EYS: variants seen among roughly 807,000 people sequenced by gnomAD.
The protein encoded by EYS is EGF-like photoreceptor maintenance factor, also known as protein eyes shut homolog.
EYS carries 250 observed loss-of-function variants against 282.1 expected under a neutral mutation model. The observed-to-expected ratio is 0.89, with a 90% CI of 0.80 to 0.98. EYS has a LOEUF of 0.98. Ranked by LOEUF, EYS falls within the 50% of genes least tolerant of loss-of-function variation. EYS has a pLI of 0.00. For synonymous variants in EYS, 1,355 were observed against 1,282.9 expected (o/e 1.06, Z -1.20); for missense variants, 4,016 against 3,709.0 (o/e 1.08, Z -2.15).
intron 5 of EYS, among the ~76,000 whole-genome samples, chr6:65,459,002 A>G (rs1764725343): frequency 6.6e-6 from 1 of 152,168 alleles, no homozygotes; most frequent in Non-Finnish European, 1.5e-5. Context: ...ATTAAAAAGT[A>G]TAGAATTTTT....
intron 33 of EYS, among the ~76,000 whole-genome samples, chr6:64,054,075 C>A (rs755343617): frequency 3.3e-5 from 5 of 152,012 alleles, no homozygotes; most frequent in Middle Eastern, 3.2e-3. Flanking sequence ...CACATGTGGC[C>A]TTAGGGATTA....
intron 35 of EYS, among the ~76,000 whole-genome samples, chr6:63,884,812 C>T (rs373429810): frequency 1.3e-4 from 20 of 151,776 alleles, no homozygotes; most frequent in Admixed American, 2.0e-4. Flanking sequence ...CTTGGAGAGG[C>T]GGAATCTTTC....
chr6:64,590,584 A>G lies in EYS; in HGVS notation c.5283T>C (p.Tyr1761=), dbSNP rs1158231145. The G allele has an allele frequency of 4.5e-6, 7 of 1,551,324 alleles. No homozygotes were observed. The highest frequency in any genetic ancestry group is 5.2e-6 in the Non-Finnish European group (6 of 1,146,752). ...QIYPDVTLKT[Y]SEITHANDFK... Reference sequence around the variant, plus strand: ...AGTCATTTGCATGTGTAATTTCTGAATATGTCTTTAAAGTAACATCCGGAT... The same window carrying G: ...AGTCATTTGCATGTGTAATTTCTGAGTATGTCTTTAAAGTAACATCCGGAT... The change falls in exon 26 of 43, where the codon TAT becomes TAC. Residue 1761 remains tyrosine, a synonymous_variant. Coordinates refer to ENST00000503581, the MANE Select transcript of EYS (RefSeq NM_001142800.2).
At chr6:64,830,979 G>T (rs1426885757) in intron 19 of EYS, among the ~76,000 whole-genome samples, 1 of 151,960 alleles carries the variant, frequency 6.6e-6, no homozygotes, top group Non-Finnish European at 1.5e-5. Flanking sequence ...AGGCGACTCA[G>T]TATGGGTCAA....
intron 26 of EYS, among the ~76,000 whole-genome samples, chr6:64,580,134 C>G (rs1582916838): frequency 6.6e-6 from 1 of 152,084 alleles, no homozygotes; most frequent in East Asian, 1.9e-4. Context: ...CCTATATTAA[C>G]TTGATAAATC....
intron 12 of EYS, among the ~76,000 whole-genome samples, chr6:65,077,051 GT>G (rs375352730): frequency 2.0e-3 from 304 of 152,088 alleles, no homozygotes; most frequent in African/African-American, 6.9e-3. Context: ...TCAACGATTA[GT>G]GGGGATATGG....
intron 18 of EYS, among the ~76,000 whole-genome samples, chr6:64,898,956 G>A (rs1043880411): frequency 6.6e-6 from 1 of 151,164 alleles, no homozygotes; most frequent in East Asian, 1.9e-4. Flanking sequence ...GATTAATAAA[G>A]CAAGTACTTA....
intron 19 of EYS, among the ~76,000 whole-genome samples, chr6:64,856,069 A>G (rs1766048464): frequency 6.6e-6 from 1 of 152,186 alleles, no homozygotes; most frequent in Admixed American, 6.5e-5. Flanking sequence ...CCTGCTATGA[A>G]CAATTATATA....
chr6:64,306,736 ATATT>A (rs1769459465), intron 30 of EYS, among the ~76,000 whole-genome samples: 1 of 152,188 alleles, frequency 6.6e-6, no homozygotes, highest in Non-Finnish European at 1.5e-5. Context: ...GTTGGATGGT[ATATT>A]TTATATAGCA....
chr6:65,652,616 T>C (rs1337735294), intron 1 of EYS, among the ~76,000 whole-genome samples: 1 of 151,894 alleles, frequency 6.6e-6, no homozygotes, highest in Non-Finnish European at 1.5e-5. Context: ...CTTGAATAAT[T>C]TAGAAGAAGA....
chr6:64,101,271 G>A (rs541015852), intron 31 of EYS, among the ~76,000 whole-genome samples: 1 of 152,056 alleles, frequency 6.6e-6, no homozygotes, highest in South Asian at 2.1e-4. Flanking sequence ...TAGAATCCCA[G>A]TGCTATATTT....
intron 35 of EYS, among the ~76,000 whole-genome samples, chr6:63,921,191 G>A (rs1764565417): frequency 6.6e-6 from 1 of 152,088 alleles, no homozygotes; most frequent in Non-Finnish European, 1.5e-5. Context: ...CCACCGCGCC[G>A]GCCATGGGCT....
chr6:64,354,342 A>T (rs1029619296), intron 29 of EYS, among the ~76,000 whole-genome samples: 1 of 151,666 alleles, frequency 6.6e-6, no homozygotes, highest in African/African-American at 2.4e-5. Flanking sequence ...CACAAGCGCC[A>T]TCACCACTAT....
At chr6:64,161,104 C>T (rs1288121602) in intron 31 of EYS, among the ~76,000 whole-genome samples, 1 of 152,068 alleles carries the variant, frequency 6.6e-6, no homozygotes, top group Non-Finnish European at 1.5e-5. Flanking sequence ...CTTGAATTAC[C>T]AATTTTATAT....
chr6:65,314,230 A>AC (rs964132857), intron 11 of EYS, among the ~76,000 whole-genome samples: 4 of 143,972 alleles, frequency 2.8e-5, no homozygotes, highest in African/African-American at 5.2e-5. Flanking sequence ...TAAAATCGAA[A>AC]CCCCCCCTCC....
In EYS at chr6:63,975,940, A is replaced by C. The variant is rs180928382; in HGVS notation, c.7055+8443T>G. On this transcript the variant is annotated intron_variant, in intron 35 of 42. Transcript: ENST00000503581. Reference sequence around the variant, plus strand: ...ACAAACCCAGATGGCATAGCTTACTATCCACCTAGGCGATACAGTATGGTC... The same window carrying C: ...ACAAACCCAGATGGCATAGCTTACTCTCCACCTAGGCGATACAGTATGGTC... Among the ~76,000 whole-genome samples the C allele has an allele frequency of 3.0e-3, 449 of 152,120 alleles. 3 individuals carry two copies. The highest frequency in any genetic ancestry group is 0.01 in the African/African-American group (433 of 41,546).
At chr6:65,025,417 C>T (rs1240715760) in intron 13 of EYS, among the ~76,000 whole-genome samples, 1 of 152,104 alleles carries the variant, frequency 6.6e-6, no homozygotes, top group Non-Finnish European at 1.5e-5. Flanking sequence ...AATCTGAATC[C>T]TTTGAGATAT....
intron 40 of EYS, among the ~76,000 whole-genome samples, chr6:63,769,746 G>A (rs58794911): frequency 0.082 from 12,469 of 151,884 alleles, 571 homozygotes; most frequent in East Asian, 0.16. Flanking sequence ...AGTTCTGACC[G>A]TCAATTTTAT....
chr6:64,178,584 T>TTA (rs936367000), intron 31 of EYS, among the ~76,000 whole-genome samples: 2 of 152,052 alleles, frequency 1.3e-5, no homozygotes, highest in African/African-American at 4.8e-5. Flanking sequence ...CATCATCTCC[T>TTA]TACTCTTAGT....
Sources: gnomAD v4.1 joint callset for allele counts (sites outside exome capture counted in the v4.1 genomes callset) on GRCh38, gnomAD v4.1.1 for gene constraint, MANE v1.5 for transcripts, NCBI Gene and HGNC (gene_info 2026-07-23, HGNC 2026-07-21) for gene names.